FBXL16: variants seen among roughly 807,000 people sequenced by gnomAD.
FBXL16 encodes the protein F-box and leucine rich repeat protein 16, also known as F-box/LRR-repeat protein 16.
In FBXL16, 7 loss-of-function variants were observed where a neutral mutation model predicts 36.7. The ratio of observed to expected loss-of-function variants is 0.19; its 90% confidence interval spans 0.11 to 0.36. The LOEUF (loss-of-function observed/expected upper bound fraction) is 0.36. Ranked by LOEUF, FBXL16 falls within the 10% of genes least tolerant of loss-of-function variation. The pLI is 1.00. For synonymous variants in FBXL16, 355 were observed against 308.7 expected, an observed-to-expected ratio of 1.15 and a Z score of -1.57; for missense variants, 463 against 659.4, an observed-to-expected ratio of 0.70 and a Z score of 3.26.
Position 692,706 on chromosome 16 carries a change from T to G in FBXL16, c.*1569A>C, listed in dbSNP as rs967568877. 8 of 152,554 alleles carry G rather than the reference T, an allele frequency of 5.2e-5. No individual in the cohort carries two copies. The highest frequency in any genetic ancestry group is 1.9e-4 in the African/African-American group (8 of 41,440). The allele number at this position is 152,554 out of a possible 1,614,324, so 9.5% of individuals were successfully genotyped here. ...TTTCCTCCTACAGTCGTTGGAAATA[T>G]CACAGCTTCAGTTGCATTAATACTT... is the stretch of plus-strand genomic sequence containing the variant. On this transcript the variant is annotated 3_prime_UTR_variant, in exon 6 of 6. Transcript: ENST00000397621.
chr16:695,876 G>C lies in FBXL16; in HGVS notation c.681C>G (p.Gly227=), dbSNP rs1357218681. 1.1e-5 allele frequency: 18 copies of C among 1,602,222 alleles called. No individual in the cohort carries two copies. The Admixed American group carries it at 3.0e-4, about 27-fold the overall frequency. ...MQGVVRLELS[G]CNDFTEAGLW... ...GCCCGGCCTCGGTGAAGTCGTTGCA[G>C]CCCGACAGCTCCAGACGCACCACGC... The change falls in exon 3 of 6, where the codon GGC becomes GGG. Residue 227 remains glycine, a synonymous_variant. Transcript: ENST00000397621.
intron 1 of FBXL16, among the ~76,000 whole-genome samples, chr16:703,833 GGGTGCTGGGA>G (rs2040072897): frequency 6.6e-6 from 1 of 152,228 alleles, no homozygotes; most frequent in African/African-American, 2.4e-5. Context: ...CCTGGGGAGT[GGGTGCTGGGA>G]TCCAGGCCTC....
chr16:696,042 A>G (rs2151520378), intron 2 of FBXL16, 119 bp from the exon 3 acceptor site: 1 of 1,389,768 alleles, frequency 7.2e-7, no homozygotes, highest in Non-Finnish European at 9.4e-7. Context: ...GCAGTGTGTG[A>G]GGAGGCGGGG....
At chr16:694,777 G>A (rs1299869771) in intron 4 of FBXL16, 80 bp from the exon 5 acceptor site, 1 of 1,451,206 alleles carries the variant, frequency 6.9e-7, no homozygotes, top group East Asian at 2.5e-5. Context: ...GGAGGGCTAG[G>A]CGGGTTCAAG....
rs1000607163 is a variant in FBXL16, at chr16:692,806, C to A, written c.*1469G>T. ...GGCTGGAGAAACTGGCTCCTGACCA[C>A]TCAGCCCTGGAGCTTCCTGGGGCTG... is the stretch of plus-strand genomic sequence containing the variant. On this transcript the variant is annotated 3_prime_UTR_variant, in exon 6 of 6. Transcript: ENST00000397621. 5 of 152,424 alleles carry A rather than the reference C, an allele frequency of 3.3e-5. No individual in the cohort carries two copies. The highest frequency in any genetic ancestry group is 1.2e-4 in the African/African-American group (5 of 41,442). The allele number at this position is 152,424 out of a possible 1,614,324, so 9.4% of individuals were successfully genotyped here.
At chr16:694,467 C>A (rs1179252124) in intron 5 of FBXL16, 44 bp from the exon 6 acceptor site, 1 of 1,521,136 alleles carries the variant, frequency 6.6e-7, no homozygotes. Flanking sequence ...CGGCCCAGGG[C>A]TCGGGCGGGG....
rs148459062 is a variant in FBXL16 at position 700,005 on chromosome 16, C to T, written c.-14-2586G>A. On this transcript the variant is annotated intron_variant, in intron 1 of 5. Coordinates refer to ENST00000397621, the MANE Select transcript of FBXL16 (RefSeq NM_153350.4). ...CGGACGGCACTGCAACCCCAAGGCC[C>T]GCAGCCCATTCCCCATAATCTGGTC... Among the ~76,000 whole-genome samples the T allele has an allele frequency of 8.1e-3, 1,231 of 152,252 alleles. 12 individuals carry two copies. Among genetic ancestry groups the T allele is most frequent in the African/African-American group, 0.028 (1,159 of 41,532 alleles).
intron 1 of FBXL16, among the ~76,000 whole-genome samples, chr16:699,582 G>A (rs902603171): frequency 2.0e-5 from 3 of 152,214 alleles, no homozygotes; most frequent in Non-Finnish European, 2.9e-5. Context: ...CAAAGTGAAC[G>A]AGCTCAGTGC....
At chr16:695,180 C>T in intron 3 of FBXL16, 104 bp from the exon 4 acceptor site, 19 of 1,282,840 alleles carry the variant, frequency 1.5e-5, no homozygotes, top group Non-Finnish European at 2.0e-5. Context: ...CTGCCCCACC[C>T]GGAGCAGCCG....
chr16:695,031 C>A lies in FBXL16; in HGVS notation c.1188G>T (p.Met396Ile), dbSNP rs774572782. 1.3e-5 allele frequency: 20 copies of A among 1,583,272 alleles called. No homozygotes were observed. Among genetic ancestry groups the A allele is most frequent in the Non-Finnish European group, 1.7e-5 (20 of 1,161,154 alleles). ...GCAGGTAGAGGCTGCGGAGGGACGA[C>A]ATGGTGGACAGATAGCTGAGGCCAG... is the stretch of plus-strand genomic sequence containing the variant. ...TDTGLSYLST[M>I]SSLRSLYLRW... Residue 396 changes from methionine to isoleucine, a missense_variant, in exon 4 of 6, where the codon ATG (methionine) becomes ATT (isoleucine). Around this residue, in one of 3 missense-constraint regions of FBXL16, gnomAD observed 134 missense variants for 172.0 expected, o/e 0.78. Coordinates refer to ENST00000397621, the MANE Select transcript of FBXL16 (RefSeq NM_153350.4).
rs7185681 is a variant in FBXL16, at chr16:704,333, C to G, written c.-15+1179G>C. 8.7e-3 allele frequency among the ~76,000 whole-genome samples: 1,325 copies of G among 152,174 alleles called. 10 individuals carry two copies. Among genetic ancestry groups the G allele is most frequent in the African/African-American group, 0.018 (750 of 41,520 alleles). ...TGTGAGCTGGAGGCAGTGAGTCTGTCGATGGAGGGGCTGAACTCAAGGGTC... is the reference window on the plus strand; with the variant it reads ...TGTGAGCTGGAGGCAGTGAGTCTGTGGATGGAGGGGCTGAACTCAAGGGTC... On this transcript the variant is annotated intron_variant, in intron 1 of 5. Coordinates refer to ENST00000397621, the MANE Select transcript of FBXL16 (RefSeq NM_153350.4).
At position 694,977 on chromosome 16, in the gene FBXL16, C is replaced by T. The variant is rs757417204; in HGVS notation, c.1227+15G>A. ...CCCCGCCGATCCCCCAATCCCGGGG[C>T]GTGAGAGCCGGTACCTGGCAGCACC... On this transcript the variant is annotated intron_variant, in intron 4 of 5. Transcript: ENST00000397621. The T allele has an allele frequency of 6.6e-7, 1 of 1,524,476 alleles. No homozygotes were observed. Among genetic ancestry groups the T allele is most frequent in the East Asian group, 2.3e-5 (1 of 43,560 alleles). The allele number at this position is 1,524,476 out of a possible 1,614,324, so 94.4% of individuals were successfully genotyped here. A position where few individuals can be genotyped will look rare whatever the true frequency, so the allele number is the denominator to read the frequency against.
Position 694,234 on chromosome 16 carries a change from G to A in FBXL16, c.*41C>T. On this transcript the variant is annotated 3_prime_UTR_variant, in exon 6 of 6. Transcript: ENST00000397621. ...CGGCGGCGCCCCGCGCCCCCGCCCA[G>A]GTCATGGCCGGGTTCCCGCGACCGG... 1 of 1,293,682 alleles carries A rather than the reference G, an allele frequency of 7.7e-7. No homozygotes were observed. The allele number at this position is 1,293,682 out of a possible 1,614,324, so 80.1% of individuals were successfully genotyped here.
chr16:704,276 G>T (rs1402599574), intron 1 of FBXL16, among the ~76,000 whole-genome samples: 1 of 152,232 alleles, frequency 6.6e-6, no homozygotes, highest in Non-Finnish European at 1.5e-5. Flanking sequence ...ATCAGTGGGA[G>T]GTAGGACTCG....
At chr16:696,012 C>G (rs997027865) in intron 2 of FBXL16, 89 bp from the exon 3 acceptor site, 2 of 1,457,924 alleles carry the variant, frequency 1.4e-6, no homozygotes, top group Admixed American at 2.5e-5. Context: ...ATGCAGGGAG[C>G]TGAACCCTGA....
Position 695,731 on chromosome 16 carries a change from G to C in FBXL16, c.826C>G (p.Gln276Glu). Residue 276 changes from glutamine (Q) to glutamate (E), a missense_variant, in exon 3 of 6, where the codon CAG becomes GAG. This residue lies in a region of FBXL16 where 66 missense variants were observed against 146.3 expected (regional missense o/e 0.45). Transcript: ENST00000397621. ...GCCGTGTCCGTCACGTGGTAGGCCT[G>C]CAGGCTCAGCTCCGCCAGGTTGGGC... Reference protein sequence around the residue: ...LLPNLAELSLQAYHVTDTALA... With the variant: ...LLPNLAELSLEAYHVTDTALA... 6.2e-7 allele frequency: 1 copy of C among 1,603,324 alleles called. No homozygotes were observed. Among genetic ancestry groups the C allele is most frequent in the Non-Finnish European group, 8.5e-7 (1 of 1,178,152 alleles).
intron 2 of FBXL16, 162 bp from the exon 3 acceptor site, chr16:696,085 C>A: frequency 9.0e-7 from 1 of 1,114,048 alleles, no homozygotes; most frequent in Non-Finnish European, 1.2e-6. Flanking sequence ...CTGGCCAGGG[C>A]AGGTGCTGGG....
rs368230837 is a variant in FBXL16 at position 696,977 on chromosome 16, G to A, written c.429C>T (p.Ala143=). 12 of 1,597,894 alleles carry A rather than the reference G, an allele frequency of 7.5e-6. No individual in the cohort carries two copies. The highest frequency in any genetic ancestry group is 1.3e-5 in the African/African-American group (1 of 74,506). ...CAGGCAGCACGTTGTAGAGCTCCTT[G>A]GCATGCAGCACCGGCGTGAGGCCTG... The part of the protein sequence containing the change: ...FWAGLTPVLH[A]KELYNVLPGG... Residue 143 remains alanine, a synonymous_variant, in exon 2 of 6, where the codon GCC becomes GCT. Transcript: ENST00000397621.
intron 1 of FBXL16, among the ~76,000 whole-genome samples, chr16:698,891 G>A (rs1172115860): frequency 2.2e-5 from 3 of 134,304 alleles, no homozygotes; most frequent in Non-Finnish European, 4.5e-5. Flanking sequence ...TCCAGCCTGG[G>A]GAACAGAGTG....
Sources: gnomAD v4.1 joint callset for allele counts (sites outside exome capture counted in the v4.1 genomes callset) on GRCh38, gnomAD v4.1.1 for gene constraint, gnomAD v4.1.1 regional missense constraint, MANE v1.5 for transcripts, NCBI Gene and HGNC (gene_info 2026-07-23, HGNC 2026-07-21) for gene names.